Variants in ARHGAP25 observed in about 807,000 individuals in gnomAD.
ARHGAP25 encodes rho GTPase-activating protein 25.
Under a neutral mutation model 71.0 loss-of-function variants are expected in ARHGAP25, and 34 were observed. That is an observed-to-expected ratio of 0.48 (90% confidence interval 0.36 to 0.64). ARHGAP25 has a LOEUF of 0.64. ARHGAP25 is among the 30% of genes least tolerant of loss of function. The pLI is 0.00. For missense variants in ARHGAP25, 706 were observed against 805.1 expected (o/e 0.88, Z 1.49); for synonymous variants, 282 against 296.5 (o/e 0.95, Z 0.50).
chr2:68,771,126 A>G (rs559005166), intron 1 of ARHGAP25, among the ~76,000 whole-genome samples: 3 of 152,332 alleles, frequency 2.0e-5, no homozygotes, highest in African/African-American at 7.2e-5. Context: ...ACTTATGGTT[A>G]GTGGCTACTG....
intron 1 of ARHGAP25, 95 bp from the exon 2 acceptor site, chr2:68,775,126 T>C: frequency 6.2e-7 from 1 of 1,604,804 alleles, no homozygotes; most frequent in Non-Finnish European, 8.5e-7. Context: ...CCCCCGCTTC[T>C]CAGCCCCCTC....
intron 4 of ARHGAP25, among the ~76,000 whole-genome samples, chr2:68,796,343 T>C (rs1212606442): frequency 6.6e-6 from 1 of 152,234 alleles, no homozygotes; most frequent in East Asian, 1.9e-4. Flanking sequence ...GAGGAGTTTT[T>C]TTGGTTAGGA....
intron 1 of ARHGAP25, among the ~76,000 whole-genome samples, chr2:68,763,143 C>CT (rs1271476109): frequency 2.0e-5 from 3 of 152,168 alleles, no homozygotes; most frequent in African/African-American, 7.2e-5. Flanking sequence ...ATGATGTTGG[C>CT]TTTTTTGTAT....
chr2:68,719,560 T>G (rs569094919), intron 2 of ARHGAP25, among the ~76,000 whole-genome samples: 1 of 151,834 alleles, frequency 6.6e-6, no homozygotes, highest in Non-Finnish European at 1.5e-5. Flanking sequence ...TCTATATACA[T>G]GTAAAGGAAC....
At chr2:68,760,722 G>T (rs912701199) in intron 1 of ARHGAP25, among the ~76,000 whole-genome samples, 2 of 151,836 alleles carry the variant, frequency 1.3e-5, no homozygotes, top group African/African-American at 4.8e-5. Flanking sequence ...GACATCCCAG[G>T]CTCCCTAGGT....
At chr2:68,797,690 A>G (rs1260195115) in intron 4 of ARHGAP25, among the ~76,000 whole-genome samples, 3 of 152,176 alleles carry the variant, frequency 2.0e-5, no homozygotes, top group African/African-American at 7.2e-5. Context: ...TCCGATCCAG[A>G]ATGTTGTCCC....
At chr2:68,775,010 C>G in intron 1 of ARHGAP25, 2 of 1,464,234 alleles carry the variant, frequency 1.4e-6, no homozygotes. Flanking sequence ...GGGTTTTATT[C>G]TTGGCCTGGC....
intron 4 of ARHGAP25, among the ~76,000 whole-genome samples, chr2:68,804,865 CA>C (rs1377641551): frequency 6.6e-6 from 1 of 152,192 alleles, no homozygotes; most frequent in African/African-American, 2.4e-5. Context: ...TACCTTTTGC[CA>C]GGGGTTACAC....
intron 8 of ARHGAP25, 27 bp downstream of exon 8, chr2:68,818,021 G>C: frequency 6.2e-7 from 1 of 1,613,276 alleles, no homozygotes; most frequent in Non-Finnish European, 8.5e-7. Context: ...AGTGAAAGCA[G>C]GTACCCAGGA....
intron 9 of ARHGAP25, among the ~76,000 whole-genome samples, chr2:68,820,891 A>G (rs1016120022): frequency 6.6e-6 from 1 of 152,072 alleles, no homozygotes; most frequent in African/African-American, 2.4e-5. Context: ...ATACACATAC[A>G]GTCACACACA....
At chr2:68,824,269 AGAG>A in intron 10 of ARHGAP25, among the ~76,000 whole-genome samples, 1 of 34,022 alleles carries the variant, frequency 2.9e-5, no homozygotes, top group East Asian at 0.01. Flanking sequence ...CAGATGTGTC[AGAG>A]TCCTCTGAAT....
At chr2:68,754,227 T>A (rs1355164181) in intron 1 of ARHGAP25, among the ~76,000 whole-genome samples, 1 of 152,168 alleles carries the variant, frequency 6.6e-6, no homozygotes, top group Non-Finnish European at 1.5e-5. Flanking sequence ...TAAAAAAATT[T>A]TCTCCTCTCA....
At chr2:68,758,980 A>T (rs756836815) in intron 1 of ARHGAP25, among the ~76,000 whole-genome samples, 1 of 151,922 alleles carries the variant, frequency 6.6e-6, no homozygotes, top group African/African-American at 2.4e-5. Flanking sequence ...AATTGTGGAA[A>T]TTAAACAATA....
chr2:68,819,431 G>C, intron 9 of ARHGAP25, 112 bp downstream of exon 9: 3 of 1,041,408 alleles, frequency 2.9e-6, no homozygotes, highest in Non-Finnish European at 4.4e-6. Context: ...TGATGCAGTG[G>C]CAGTGGGCGC....
intron 6 of ARHGAP25, among the ~76,000 whole-genome samples, chr2:68,815,317 C>T (rs6742689): frequency 0.33 from 50,650 of 151,890 alleles, 8,548 homozygotes; most frequent in East Asian, 0.44. Flanking sequence ...TGATGCTACG[C>T]TAAGAAGGTC....
At chr2:68,825,141 A>C (rs543199401) in intron 10 of ARHGAP25, among the ~76,000 whole-genome samples, 103 of 152,226 alleles carry the variant, frequency 6.8e-4, no homozygotes, top group Non-Finnish European at 1.3e-3. Flanking sequence ...GGGATTCAGA[A>C]GTGAGGGTGA....
chr2:68,813,184 G>C, intron 5 of ARHGAP25, 103 bp from the exon 6 acceptor site: 1 of 1,352,512 alleles, frequency 7.4e-7, no homozygotes, highest in African/African-American at 1.5e-5. Context: ...ATTTCCCTTT[G>C]TAATTTATGG....
intron 1 of ARHGAP25, among the ~76,000 whole-genome samples, chr2:68,747,457 G>C (rs4395274): frequency 0.9 from 137,230 of 152,240 alleles, 61,972 homozygotes; most frequent in African/African-American, 0.91. Flanking sequence ...TGCTGTATGA[G>C]TGTACAGGTT....
At chr2:68,823,685 C>G (rs182515090) in intron 10 of ARHGAP25, among the ~76,000 whole-genome samples, 1 of 152,280 alleles carries the variant, frequency 6.6e-6, no homozygotes. Context: ...CACTGCAAAG[C>G]CTGAGTAAGA....
Sources: allele counts gnomAD v4.1 joint callset (sites outside exome capture counted in the v4.1 genomes callset), GRCh38; gene constraint gnomAD v4.1.1; transcripts MANE v1.5; gene names NCBI Gene and HGNC (gene_info 2026-07-23, HGNC 2026-07-21).